Variants in RYR3 observed in about 807,000 individuals in gnomAD.
The protein encoded by RYR3 is brain ryanodine receptor-calcium release channel.
Under a neutral mutation model 584.3 loss-of-function variants are expected in RYR3, and 207 were observed. The ratio of observed to expected loss-of-function variants is 0.35; its 90% confidence interval spans 0.32 to 0.40. The LOEUF (loss-of-function observed/expected upper bound fraction) is 0.40. Among genes scored for constraint, RYR3 ranks in the 10% least tolerant of loss-of-function variants. The probability of loss-of-function intolerance (pLI) is 1.00; values close to 1 mark genes in which losing one functional copy is unlikely to be tolerated. For synonymous variants in RYR3, 2,416 were observed against 2,248.5 expected (o/e 1.07, Z -2.11); for missense variants, 5,616 against 6,089.2 (o/e 0.92, Z 2.59).
Position 33,479,069 on chromosome 15 carries a change from C to T in RYR3, c.171+5531C>T, listed in dbSNP as rs577254081. Among the ~76,000 whole-genome samples the T allele has an allele frequency of 2.7e-4, 39 of 145,624 alleles. No individual in the cohort carries two copies. In the South Asian group the frequency reaches 4.8e-3, roughly 18 times the overall value. On this transcript the variant is annotated intron_variant, in intron 2 of 103. Coordinates refer to ENST00000634891, the MANE Select transcript of RYR3 (RefSeq NM_001036.6). ...AGTTTTCAAATCCAATGGAAATTTT[C>T]ATTTTATTGTTTTCATCTCCTGTTT...
chr15:33,543,572 CTCT>C, intron 7 of RYR3, 47 bp from the exon 8 acceptor site: 4 of 1,166,636 alleles, frequency 3.4e-6, no homozygotes, highest in Non-Finnish European at 5.2e-6. Flanking sequence ...ATATGCCATT[CTCT>C]TCATTAAACT....
intron 21 of RYR3, 129 bp downstream of exon 21, chr15:33,628,704 C>A: frequency 1.6e-6 from 1 of 615,202 alleles, no homozygotes; most frequent in Non-Finnish European, 2.9e-6. Context: ...CAGGTCTTCA[C>A]AGACAGAACC....
intron 45 of RYR3, 137 bp downstream of exon 45, chr15:33,724,313 A>G (rs2068183471): frequency 1.6e-6 from 1 of 610,072 alleles, no homozygotes. Context: ...AGCTAGTTTC[A>G]AAAGTAGTTT....
At chr15:33,462,003 C>A (rs960342702) in intron 1 of RYR3, among the ~76,000 whole-genome samples, 23 of 152,160 alleles carry the variant, frequency 1.5e-4, no homozygotes, top group African/African-American at 5.3e-4. Context: ...GGAAAAAAAA[C>A]CGTAGTTTTA....
intron 24 of RYR3, among the ~76,000 whole-genome samples, chr15:33,634,117 C>A (rs1351132501): frequency 3.9e-5 from 6 of 152,008 alleles, no homozygotes; most frequent in Non-Finnish European, 8.8e-5. Context: ...AGTGGCATGA[C>A]CTCAGCTCAC....
chr15:33,329,777 C>T (rs1171076865), intron 1 of RYR3, among the ~76,000 whole-genome samples: 1 of 152,090 alleles, frequency 6.6e-6, no homozygotes, highest in Non-Finnish European at 1.5e-5. Flanking sequence ...CTGGTCTATG[C>T]CCAAATAAGC....
At chr15:33,711,277 T>C (rs1280952208) in intron 43 of RYR3, among the ~76,000 whole-genome samples, 2 of 145,514 alleles carry the variant, frequency 1.4e-5, no homozygotes, top group Non-Finnish European at 3.0e-5. Flanking sequence ...TGAGTCTCGT[T>C]CTGTCGCCCA....
intron 43 of RYR3, among the ~76,000 whole-genome samples, chr15:33,710,428 C>G (rs1456001024): frequency 6.6e-6 from 1 of 151,106 alleles, no homozygotes; most frequent in South Asian, 2.1e-4. Flanking sequence ...ACTGCACCCT[C>G]GACCTCCCAG....
intron 93 of RYR3, among the ~76,000 whole-genome samples, chr15:33,846,081 C>G (rs1383556584): frequency 1.3e-5 from 2 of 152,248 alleles, no homozygotes; most frequent in African/African-American, 2.4e-5. Context: ...CTGGGCCTCT[C>G]TCTGTCTCCC....
chr15:33,513,054 AT>A (rs918474344), intron 3 of RYR3, among the ~76,000 whole-genome samples: 3 of 152,232 alleles, frequency 2.0e-5, no homozygotes, highest in Admixed American at 6.5e-5. Flanking sequence ...CAATATTTGA[AT>A]TTTGGGGAAA....
chr15:33,664,589 G>GTGTGTATATATATATATATATATATATA (rs577496539), intron 36 of RYR3, among the ~76,000 whole-genome samples: 9 of 91,382 alleles, frequency 9.8e-5, no homozygotes, highest in African/African-American at 3.1e-4. Context: ...GTGTGTGTGT[G>GTGTGTATATATATATATATATATATATA]TATATATATA....
Position 33,593,957 on chromosome 15 carries a change from C to G in RYR3, c.1789-7462C>G, listed in dbSNP as rs532958472. On this transcript the variant is annotated intron_variant, in intron 16 of 103. Transcript: ENST00000634891. ...GGCTTTTAAATGGGCTTTGATGGAA[C>G]TTTGTTCCATAGCAGGAATCTCAGA... Among the ~76,000 whole-genome samples the G allele has an allele frequency of 4.6e-5, 7 of 152,270 alleles. No individual in the cohort carries two copies. In the South Asian group the frequency reaches 1.5e-3, roughly 32 times the overall value.
At chr15:33,681,004 C>T (rs142732063) in intron 38 of RYR3, among the ~76,000 whole-genome samples, 2 of 152,334 alleles carry the variant, frequency 1.3e-5, no homozygotes, top group African/African-American at 4.8e-5. Context: ...CACAGCAGTT[C>T]TGCAGTAGGT....
chr15:33,752,960 TGA>T (rs58014229), intron 57 of RYR3, among the ~76,000 whole-genome samples: 10,053 of 152,298 alleles, frequency 0.066, 958 homozygotes, highest in African/African-American at 0.22. Flanking sequence ...CCTAGTTTAT[TGA>T]GAGTTTTTAG....
At chr15:33,345,730 A>G (rs1039167343) in intron 1 of RYR3, among the ~76,000 whole-genome samples, 10 of 152,176 alleles carry the variant, frequency 6.6e-5, no homozygotes, top group African/African-American at 2.4e-4. Flanking sequence ...CAGGCTACAC[A>G]GTGTTCAAGA....
At chr15:33,854,709 A>G (rs1234116241) in intron 97 of RYR3, 57 bp from the exon 98 acceptor site, 2 of 1,547,308 alleles carry the variant, frequency 1.3e-6, no homozygotes, top group East Asian at 4.5e-5. Flanking sequence ...AAAATGTTTT[A>G]TAATGAGCAC....
rs1305489039 is a variant in RYR3 at position 33,669,875 on chromosome 15, TGTGTG to T, written c.5722+425_5722+429del. ...GGGGGGGGGTGTGGGTGTGTGGGTG[TGTGTG>T]GTGTGTGTGTGTGTGTGTGTGTGTT... On this transcript the variant is annotated intron_variant, in intron 37 of 103. Coordinates refer to ENST00000634891, the MANE Select transcript of RYR3 (RefSeq NM_001036.6). Among the ~76,000 whole-genome samples, 212 of 33,424 alleles carry T rather than the reference TGTGTG, an allele frequency of 6.3e-3. 3 individuals are homozygous for T. Among genetic ancestry groups the T allele is most frequent in the African/African-American group, 0.013 (196 of 14,690 alleles). 21.9% of individuals were successfully genotyped at this position (33,424 alleles called of 152,430 possible).
At position 33,473,630 on chromosome 15, in the gene RYR3, C is replaced by G. The variant is rs757301749; in HGVS notation, c.171+92C>G. ...TACTGCTGGGAGATGGTGATGAGGACGACATTTGAAAGGACACATTTATTT... is the reference window on the plus strand; with the variant it reads ...TACTGCTGGGAGATGGTGATGAGGAGGACATTTGAAAGGACACATTTATTT... On this transcript the variant is annotated intron_variant, in intron 2 of 103. Coordinates refer to ENST00000634891, the MANE Select transcript of RYR3 (RefSeq NM_001036.6). The G allele has an allele frequency of 2.3e-6, 3 of 1,288,654 alleles. No homozygotes were observed. In the African/African-American group the frequency reaches 4.5e-5, roughly 19 times the overall value. The allele number at this position is 1,288,654 out of a possible 1,614,324, so 79.8% of individuals were successfully genotyped here. A position where few individuals can be genotyped will look rare whatever the true frequency, so the allele number is the denominator to read the frequency against.
intron 2 of RYR3, among the ~76,000 whole-genome samples, chr15:33,488,591 T>C (rs141663682): frequency 0.019 from 2,879 of 152,268 alleles, 23 homozygotes; most frequent in Middle Eastern, 0.037. Context: ...TGGTGGCTGA[T>C]GCCTGTAATC....
Sources: allele counts gnomAD v4.1 joint callset (sites outside exome capture counted in the v4.1 genomes callset), GRCh38; gene constraint gnomAD v4.1.1; transcripts MANE v1.5; gene names NCBI Gene and HGNC (gene_info 2026-07-23, HGNC 2026-07-21).